The following HDX variants were observed in gnomAD, a reference collection of about 807,000 sequenced individuals.
HDX encodes highly divergent homeobox.
Under a neutral mutation model 45.2 loss-of-function variants are expected in HDX, and 19 were observed. That is an observed-to-expected ratio of 0.42 (90% CI 0.29 to 0.62). HDX has a LOEUF of 0.62. HDX is among the 20% of genes least tolerant of loss of function. The probability of loss-of-function intolerance (pLI) is 0.20; values close to 1 mark genes in which losing one functional copy is unlikely to be tolerated. For missense variants in HDX, 532 were observed against 493.9 expected (o/e 1.08, Z -0.73); for synonymous variants, 188 against 172.8 (o/e 1.09, Z -0.69).
In HDX at chrX:84,458,667, G is replaced by A. The variant is rs142102883; in HGVS notation, c.1251+9805C>T. ...ACTTTTAACTCAGACTTCACTCTCA[G>A]ACTATTAACAAATTTCCACCCACAC... On this transcript the variant is annotated intron_variant, in intron 4 of 10. Coordinates refer to ENST00000373177, the MANE Select transcript of HDX (RefSeq NM_001177479.2). Among the ~76,000 whole-genome samples, 375 of 111,472 alleles carry A rather than the reference G, an allele frequency of 3.4e-3. 3 individuals carry two copies. The highest frequency in any genetic ancestry group is 0.011 in the African/African-American group (351 of 30,749).
chrX:84,338,388 T>C (rs900380571), intron 7 of HDX, among the ~76,000 whole-genome samples: 3 of 110,688 alleles, frequency 2.7e-5, no homozygotes, highest in South Asian at 7.6e-4. Flanking sequence ...CACACACACA[T>C]ATATAAATTG....
At chrX:84,337,102 G>GA (rs2036982542) in intron 7 of HDX, among the ~76,000 whole-genome samples, 1 of 106,183 alleles carries the variant, frequency 9.4e-6, no homozygotes, top group African/African-American at 3.3e-5. Flanking sequence ...ATTTGTAACT[G>GA]AAAAAACGGA....
intron 5 of HDX, among the ~76,000 whole-genome samples, chrX:84,427,362 T>C (rs1394204180): frequency 9.0e-6 from 1 of 111,134 alleles, no homozygotes; most frequent in Non-Finnish European, 1.9e-5. Flanking sequence ...CAATTAGATG[T>C]TTTGATATCT....
Position 84,469,397 on chromosome X carries a change from C to T in HDX, c.326G>A (p.Gly109Asp). Residue 109 changes from glycine to aspartate, a missense_variant, in exon 4 of 11, where the codon GGT becomes GAT. Transcript: ENST00000373177. ...TGATGAACTGGCTGGACTGTATATA[C>T]CAGTTACAATGACATCATTATTGGC... ...TSANNDVIVTGIYSPASSSSR... is the reference protein window; with the variant it reads ...TSANNDVIVTDIYSPASSSSR... 1.7e-6 allele frequency: 2 copies of T among 1,209,733 alleles called. No individual in the cohort carries two copies. Among genetic ancestry groups the T allele is most frequent in the South Asian group, 3.5e-5 (2 of 56,862 alleles).
intron 5 of HDX, among the ~76,000 whole-genome samples, chrX:84,375,733 G>T (rs1179372651): frequency 5.6e-5 from 6 of 107,535 alleles, no homozygotes; most frequent in African/African-American, 2.0e-4. Context: ...ATCAAACTCT[G>T]GGGACTGTTG....
chrX:84,480,283 C>T (rs1569369266), intron 2 of HDX, among the ~76,000 whole-genome samples: 1 of 111,399 alleles, frequency 9.0e-6, no homozygotes, highest in Non-Finnish European at 1.9e-5. Flanking sequence ...TCATGTTGTC[C>T]ACAAACAGGG....
rs565173364 is a variant in HDX, at chrX:84,341,631, C to G, written c.1660+2619G>C. On this transcript the variant is annotated intron_variant, in intron 7 of 10. Coordinates refer to ENST00000373177, the MANE Select transcript of HDX (RefSeq NM_001177479.2). ...CTAAAACACCAAATTCAATGGCTTT[C>G]TCATCCCTTTTTCTACTTAACTTCT... is the stretch of plus-strand genomic sequence containing the variant. Among the ~76,000 whole-genome samples, 291 of 110,223 alleles carry G rather than the reference C, an allele frequency of 2.6e-3. 2 individuals are homozygous for G. Among genetic ancestry groups the G allele is most frequent in the Middle Eastern group, 9.3e-3 (2 of 214 alleles).
At chrX:84,446,162 C>T (rs2039868354) in intron 4 of HDX, among the ~76,000 whole-genome samples, 1 of 111,343 alleles carries the variant, frequency 9.0e-6, no homozygotes, top group Non-Finnish European at 1.9e-5. Context: ...TATCCAAAGG[C>T]ACTAAAGAAT....
At chrX:84,346,703 G>T (rs1005661750) in intron 6 of HDX, among the ~76,000 whole-genome samples, 1 of 111,077 alleles carries the variant, frequency 9.0e-6, no homozygotes, top group Non-Finnish European at 1.9e-5. Context: ...AATGGACCTT[G>T]TTCTAAATCT....
chrX:84,336,028 A>G (rs1223561740), intron 8 of HDX, among the ~76,000 whole-genome samples: 1 of 110,620 alleles, frequency 9.0e-6, no homozygotes, highest in Non-Finnish European at 1.9e-5. Context: ...TTAAGAGGCT[A>G]TTTTTTAGTG....
intron 1 of HDX, among the ~76,000 whole-genome samples, chrX:84,490,353 T>A (rs898713245): frequency 8.9e-6 from 1 of 112,021 alleles, no homozygotes; most frequent in Admixed American, 9.5e-5. Context: ...GATTTCAAGT[T>A]TTCTACGTAT....
intron 5 of HDX, among the ~76,000 whole-genome samples, chrX:84,402,099 G>T (rs1390869798): frequency 1.8e-5 from 2 of 111,424 alleles, no homozygotes; most frequent in African/African-American, 3.3e-5. Context: ...TGCATGTGGG[G>T]CTTAAAACCG....
In HDX at chrX:84,327,678, A is replaced by G. The variant is rs188376490; in HGVS notation, c.1825-1378T>C. Among the ~76,000 whole-genome samples the G allele has an allele frequency of 1.8e-3, 200 of 111,934 alleles. 5 individuals are homozygous for G. Among genetic ancestry groups the G allele is most frequent in the Admixed American group, 0.014 (148 of 10,514 alleles). On this transcript the variant is annotated intron_variant, in intron 9 of 10. Coordinates refer to ENST00000373177, the MANE Select transcript of HDX (RefSeq NM_001177479.2). ...AGACCTAAAACTAAAATGCATAATA[A>G]AACTGAAACTTTTAGAGGAAAACAG...
chrX:84,382,952 C>T (rs2038223435), intron 5 of HDX, among the ~76,000 whole-genome samples: 1 of 111,242 alleles, frequency 9.0e-6, no homozygotes, highest in Admixed American at 9.6e-5. Context: ...ATCAAAACAT[C>T]TCATGCGCCG....
At chrX:84,472,576 A>G (rs1036537418) in intron 3 of HDX, among the ~76,000 whole-genome samples, 1 of 111,878 alleles carries the variant, frequency 8.9e-6, no homozygotes, top group Admixed American at 9.5e-5. Context: ...TAAAGGGAGA[A>G]GAGAAGGCAC....
intron 4 of HDX, among the ~76,000 whole-genome samples, chrX:84,460,930 T>C (rs1421490870): frequency 1.8e-5 from 2 of 111,483 alleles, no homozygotes; most frequent in Non-Finnish European, 3.8e-5. Context: ...CCATTTACAA[T>C]AGCTACAAAA....
At chrX:84,388,053 T>A (rs1349832144) in intron 5 of HDX, among the ~76,000 whole-genome samples, 1 of 111,951 alleles carries the variant, frequency 8.9e-6, no homozygotes, top group East Asian at 2.8e-4. Flanking sequence ...CTTTTCTGTT[T>A]ATGAAGTTTA....
intron 5 of HDX, among the ~76,000 whole-genome samples, chrX:84,424,188 A>G (rs1439238573): frequency 1.8e-5 from 2 of 111,642 alleles, no homozygotes; most frequent in Non-Finnish European, 3.8e-5. Flanking sequence ...AACAATCTGA[A>G]AAAGAAATAA....
chrX:84,470,740 C>T (rs1378911804), intron 3 of HDX, among the ~76,000 whole-genome samples: 1 of 111,346 alleles, frequency 9.0e-6, no homozygotes, highest in Non-Finnish European at 1.9e-5. Context: ...TATTATTTTT[C>T]TGAGTCATGG....
Sources: allele counts gnomAD v4.1 joint callset (sites outside exome capture counted in the v4.1 genomes callset), GRCh38; gene constraint gnomAD v4.1.1; transcripts MANE v1.5; gene names NCBI Gene and HGNC (gene_info 2026-07-23, HGNC 2026-07-21).